Variants in SEMA3F observed in about 807,000 individuals in gnomAD.
SEMA3F encodes the protein semaphorin-3F.
A neutral mutation model predicts 98.5 loss-of-function variants in SEMA3F; 30 were observed. That is an observed-to-expected ratio of 0.30 (90% CI 0.23 to 0.41). SEMA3F has a LOEUF of 0.41. Among genes scored for constraint, SEMA3F ranks in the 10% least tolerant of loss-of-function variants. SEMA3F has a pLI of 1.00. For synonymous variants in SEMA3F, 380 were observed against 444.8 expected (o/e 0.85, Z 1.83); for missense variants, 866 against 1,119.3 (o/e 0.77, Z 3.23).
At chr3:50,162,064 G>T (rs1258168771) in intron 2 of SEMA3F, among the ~76,000 whole-genome samples, 2 of 152,206 alleles carry the variant, frequency 1.3e-5, no homozygotes, top group Admixed American at 1.3e-4. Context: ...TGCCTTGGAT[G>T]GACACAGCAG....
Position 50,187,885 on chromosome 3 carries a change from C to G in SEMA3F, c.2128C>G (p.Leu710Val), listed in dbSNP as rs1699289374. Residue 710 changes from leucine (L) to valine (V), a missense_variant, in exon 19 of 19, where the codon CTG becomes GTG. Leu to Val is a conservative substitution (Grantham distance 32). Around this residue, in one of 3 missense-constraint regions of SEMA3F, gnomAD observed 245 missense variants for 260.5 expected, o/e 0.94. Transcript: ENST00000002829. ...DAVHAALFPP[L>V]SMSAPPPPGA... Reference sequence around the variant, plus strand: ...CGTCCATGCTGCCCTCTTCCCACCACTGTCCATGAGCGCCCCGCCACCCCC... The same window carrying G: ...CGTCCATGCTGCCCTCTTCCCACCAGTGTCCATGAGCGCCCCGCCACCCCC... 6.2e-7 allele frequency: 1 copy of G among 1,611,948 alleles called. No individual in the cohort carries two copies.
chr3:50,168,615 T>G (rs959406852), intron 2 of SEMA3F, among the ~76,000 whole-genome samples: 1 of 152,166 alleles, frequency 6.6e-6, no homozygotes, highest in Non-Finnish European at 1.5e-5. Flanking sequence ...GCTGAGGCCT[T>G]CCGGCTGGCC....
At chr3:50,176,621 G>A (rs868395112) in intron 6 of SEMA3F, 147 bp from the exon 7 acceptor site, 1 of 655,946 alleles carries the variant, frequency 1.5e-6, no homozygotes, top group Non-Finnish European at 2.7e-6. Flanking sequence ...GCTGGATGGA[G>A]TTTAAGGCCA....
chr3:50,183,309 G>A (rs574620021), intron 11 of SEMA3F, 54 bp downstream of exon 11: 72 of 1,606,914 alleles, frequency 4.5e-5, no homozygotes, highest in East Asian at 3.3e-4. Flanking sequence ...TTGGGGGATT[G>A]TAACTCGTGG....
chr3:50,161,516 GGGTGTTGCC>G (rs1214450632), intron 2 of SEMA3F, among the ~76,000 whole-genome samples: 1 of 152,260 alleles, frequency 6.6e-6, no homozygotes, highest in Non-Finnish European at 1.5e-5. Flanking sequence ...CAGCCAGCCT[GGGTGTTGCC>G]GGTTGTGGCG....
At position 50,158,804 on chromosome 3, in the gene SEMA3F, G is replaced by A. The variant is rs1372493653; in HGVS notation, c.-48-771G>A. Among the ~76,000 whole-genome samples, 1 of 152,226 alleles carries A rather than the reference G, an allele frequency of 6.6e-6. No individual in the cohort carries two copies. The highest frequency in any genetic ancestry group is 1.5e-5 in the Non-Finnish European group (1 of 68,032). The stretch of plus-strand genomic sequence containing the variant: ...TTTGAAAAACACAGTATTGAAACTT[G>A]GACCTGCTGGGGCTATGGGGGATTC... On this transcript the variant is annotated intron_variant, in intron 1 of 18. Transcript: ENST00000002829. This position sits in a 1 kb window ranked among gnomAD's most constrained non-coding sequence, Gnocchi z 4.8.
chr3:50,174,203 A>G (rs1698718541), intron 4 of SEMA3F, 28 bp from the exon 5 acceptor site: 1 of 1,613,492 alleles, frequency 6.2e-7, no homozygotes, highest in Non-Finnish European at 8.5e-7. Flanking sequence ...TGGCCAGGGC[A>G]CCTATGCAGC....
chr3:50,172,413 T>A (rs1194617304), intron 2 of SEMA3F, among the ~76,000 whole-genome samples: 2 of 152,072 alleles, frequency 1.3e-5, no homozygotes, highest in Non-Finnish European at 2.9e-5. Flanking sequence ...CTCCCTCCCC[T>A]TGGAGGCAGG....
At chr3:50,164,474 C>A (rs1040910801) in intron 2 of SEMA3F, among the ~76,000 whole-genome samples, 7 of 152,212 alleles carry the variant, frequency 4.6e-5, no homozygotes, top group Non-Finnish European at 8.8e-5. Flanking sequence ...ACCTCCGGCC[C>A]CTTGACTCCT....
At chr3:50,173,356 C>T (rs1232123970) in intron 2 of SEMA3F, 2 of 170,186 alleles carry the variant, frequency 1.2e-5, no homozygotes, top group African/African-American at 4.8e-5. Flanking sequence ...CCTGTGATCC[C>T]AACTACTCAG....
In SEMA3F at chr3:50,185,906, G is replaced by A. The variant is rs746778401; in HGVS notation, c.1605G>A (p.Ala535=). The change falls in exon 16 of 19, where the codon GCG becomes GCA. Residue 535 remains alanine, a synonymous_variant. Transcript: ENST00000002829. ...TGCCCCAGCAACAACTCTACGTGGC[G>A]TCAGCCGTGGGTGTCACACACCTGA... is the stretch of plus-strand genomic sequence containing the variant. ...ISSKRQQLYV[A]SAVGVTHLSL... is the part of the protein sequence containing the mutation. 2.5e-5 allele frequency: 40 copies of A among 1,612,396 alleles called. No individual in the cohort carries two copies. In the South Asian group the frequency reaches 3.2e-4, roughly 13 times the overall value.
In SEMA3F at chr3:50,159,334, AGGGTTTGAGTC is replaced by A. The variant is rs1698116012; in HGVS notation, c.-48-240_-48-230del. 8 of 370,534 alleles carry A rather than the reference AGGGTTTGAGTC, an allele frequency of 2.2e-5. No individual in the cohort carries two copies. In the South Asian group the frequency reaches 5.0e-4, roughly 23 times the overall value. The allele number at this position is 370,534 out of a possible 1,614,324, so 23.0% of individuals were successfully genotyped here. ...TGGAATTCAGCATGCCATGAGGGGT[AGGGTTTGAGTC>A]TCCAGCAGCCCCCATCAGTTCTGGT... On this transcript the variant is annotated intron_variant, in intron 1 of 18. Transcript: ENST00000002829.
In SEMA3F at chr3:50,182,288, G is replaced by A. The variant is rs749698345; in HGVS notation, c.648G>A (p.Glu216=). The change falls in exon 8 of 19, where the codon GAG becomes GAA. Residue 216 remains glutamate (E), a synonymous_variant. Coordinates refer to ENST00000002829, the MANE Select transcript of SEMA3F (RefSeq NM_004186.5). The surrounding 1 kb of genome is among the most constrained non-coding windows in gnomAD (Gnocchi z 4.5). ...GACCCACTGGCCTACCCACAGATGA[G>A]GAGCTCTATGCTGGTGTGTACATCG... ...KLDTASALIN[E]ELYAGVYIDF... is the part of the protein sequence containing the mutation. The A allele has an allele frequency of 6.2e-7, 1 of 1,614,072 alleles. No homozygotes were observed.
At chr3:50,162,483 G>C (rs897539253) in intron 2 of SEMA3F, among the ~76,000 whole-genome samples, 3 of 152,238 alleles carry the variant, frequency 2.0e-5, no homozygotes, top group African/African-American at 7.2e-5. Context: ...TGAGAGAGTG[G>C]AGCCTGGGCT....
chr3:50,187,569 G>A, intron 18 of SEMA3F, 136 bp from the exon 19 acceptor site: 1 of 567,982 alleles, frequency 1.8e-6, no homozygotes, highest in Admixed American at 3.5e-5. Flanking sequence ...GAAACTTCAT[G>A]TGGTTTTTCT....
chr3:50,173,638 T>C (rs1388838676), intron 2 of SEMA3F, among the ~76,000 whole-genome samples, 155 bp from the exon 3 acceptor site: 2 of 151,878 alleles, frequency 1.3e-5, no homozygotes, highest in African/African-American at 4.8e-5. Flanking sequence ...TGAGACTTGA[T>C]CTCGTAAAAA....
rs1197196779 is a variant in SEMA3F at position 50,166,923 on chromosome 3, G to A, written c.113-6870G>A. ...TGGGAGGAGGAGGTGGGTCCCCCGG[G>A]GGCCTCTGAAACTGGAGGCACTCAC... On this transcript the variant is annotated intron_variant, in intron 2 of 18. Coordinates refer to ENST00000002829, the MANE Select transcript of SEMA3F (RefSeq NM_004186.5). The surrounding 1 kb of genome is among the most constrained non-coding windows in gnomAD (Gnocchi z 4.7). Among the ~76,000 whole-genome samples, 1 of 152,026 alleles carries A rather than the reference G, an allele frequency of 6.6e-6. No individual in the cohort carries two copies. The highest frequency in any genetic ancestry group is 1.5e-5 in the Non-Finnish European group (1 of 67,986).
At chr3:50,186,828 A>G (rs1699240792) in intron 18 of SEMA3F, 82 bp downstream of exon 18, 1 of 1,369,610 alleles carries the variant, frequency 7.3e-7, no homozygotes, top group Non-Finnish European at 9.7e-7. Context: ...GATCTGGAGC[A>G]ACTCTCATGC....
intron 2 of SEMA3F, among the ~76,000 whole-genome samples, chr3:50,161,434 C>T (rs1022216874): frequency 2.0e-5 from 3 of 152,216 alleles, no homozygotes; most frequent in Non-Finnish European, 2.9e-5. Flanking sequence ...GCGCCCACAT[C>T]GCGTCAGGTC....
Sources: allele counts gnomAD v4.1 joint callset (sites outside exome capture counted in the v4.1 genomes callset), GRCh38; gene constraint gnomAD v4.1.1; regional missense constraint gnomAD v4.1.1; non-coding constraint Gnocchi (gnomAD v3.1); transcripts MANE v1.5; gene names NCBI Gene and HGNC (gene_info 2026-07-23, HGNC 2026-07-21).